GRM5: variants seen among roughly 807,000 people sequenced by gnomAD.
GRM5 encodes metabotropic glutamate receptor 5.
Under a neutral mutation model 83.1 loss-of-function variants are expected in GRM5, and 19 were observed. The observed-to-expected ratio is 0.23, with a 90% CI of 0.16 to 0.34. The LOEUF is 0.34. Among genes scored for constraint, GRM5 ranks in the 10% least tolerant of loss-of-function variants. The pLI, the probability that GRM5 is intolerant of heterozygous loss-of-function variation, is 1.00. For synonymous variants in GRM5, 675 were observed against 633.6 expected, an observed-to-expected ratio of 1.07 and a Z score of -0.98; for missense variants, 1,160 against 1,588.3, an observed-to-expected ratio of 0.73 and a Z score of 4.58.
intron 3 of GRM5, among the ~76,000 whole-genome samples, chr11:88,704,288 T>C (rs77349147): frequency 6.6e-6 from 1 of 152,070 alleles, no homozygotes; most frequent in African/African-American, 2.4e-5. Context: ...GTACCTATTT[T>C]AAGAAAACTA....
chr11:88,911,313 T>A (rs1393998851), intron 2 of GRM5, among the ~76,000 whole-genome samples: 2 of 152,138 alleles, frequency 1.3e-5, no homozygotes, highest in Non-Finnish European at 2.9e-5. Flanking sequence ...ATTGCATAGC[T>A]TGTGTGGTGT....
chr11:88,890,289 C>G (rs534998927), intron 2 of GRM5, among the ~76,000 whole-genome samples: 3 of 152,270 alleles, frequency 2.0e-5, no homozygotes. Flanking sequence ...AAATGGCACA[C>G]TTAATTTTAG....
At chr11:89,027,830 C>G (rs1414772198) in intron 2 of GRM5, among the ~76,000 whole-genome samples, 2 of 152,198 alleles carry the variant, frequency 1.3e-5, no homozygotes, top group African/African-American at 2.4e-5. Flanking sequence ...CTGCTATGGT[C>G]TGAATATCCT....
intron 2 of GRM5, among the ~76,000 whole-genome samples, chr11:88,903,542 T>G (rs2135598076): frequency 6.6e-6 from 1 of 152,288 alleles, no homozygotes; most frequent in Non-Finnish European, 1.5e-5. Context: ...GTGGCATATA[T>G]ACACAATGGA....
intron 2 of GRM5, among the ~76,000 whole-genome samples, chr11:88,915,658 T>A (rs1247427094): frequency 9.9e-5 from 15 of 152,176 alleles, no homozygotes; most frequent in Admixed American, 9.8e-4. Context: ...CTTTTGGACC[T>A]GGATCTTCAA....
At chr11:88,982,540 G>A (rs1021827127) in intron 2 of GRM5, among the ~76,000 whole-genome samples, 1 of 151,996 alleles carries the variant, frequency 6.6e-6, no homozygotes, top group African/African-American at 2.4e-5. Context: ...AATTATTTAT[G>A]AGAATAATAC....
chr11:88,602,122 C>T (rs912390769), intron 5 of GRM5, among the ~76,000 whole-genome samples: 3 of 151,928 alleles, frequency 2.0e-5, no homozygotes, highest in Non-Finnish European at 2.9e-5. Context: ...ATGACATTAC[C>T]TGAACTTTAT....
chr11:88,914,148 G>T (rs1345412377), intron 2 of GRM5, among the ~76,000 whole-genome samples: 1 of 152,172 alleles, frequency 6.6e-6, no homozygotes, highest in African/African-American at 2.4e-5. Context: ...TCTCTAGAAG[G>T]ATGAAGTTGA....
At chr11:88,666,510 T>C (rs1168872995) in intron 3 of GRM5, among the ~76,000 whole-genome samples, 2 of 152,150 alleles carry the variant, frequency 1.3e-5, no homozygotes, top group African/African-American at 2.4e-5. Flanking sequence ...CAACAAGCCA[T>C]TGATGAGGGA....
At chr11:88,863,727 T>C (rs1447601871) in intron 2 of GRM5, among the ~76,000 whole-genome samples, 1 of 151,912 alleles carries the variant, frequency 6.6e-6, no homozygotes, top group Non-Finnish European at 1.5e-5. Flanking sequence ...TATTTTTTTA[T>C]AGCTTAATTA....
At chr11:88,848,204 C>A (rs545953730) in intron 3 of GRM5, among the ~76,000 whole-genome samples, 1 of 152,232 alleles carries the variant, frequency 6.6e-6, no homozygotes, top group South Asian at 2.1e-4. Context: ...GTACATCATT[C>A]CTGCCAACTA....
At chr11:88,787,956 C>T (rs1943105124) in intron 3 of GRM5, among the ~76,000 whole-genome samples, 1 of 152,132 alleles carries the variant, frequency 6.6e-6, no homozygotes, top group Admixed American at 6.6e-5. Flanking sequence ...CTATGCCTGT[C>T]TTCATCATTA....
intron 4 of GRM5, among the ~76,000 whole-genome samples, chr11:88,628,921 G>A (rs1938881425): frequency 6.6e-6 from 1 of 152,134 alleles, no homozygotes; most frequent in Admixed American, 6.6e-5. Flanking sequence ...GTAGGAGGGA[G>A]ATTGAGACCA....
chr11:88,832,168 C>T (rs1456505853), intron 3 of GRM5, among the ~76,000 whole-genome samples: 1 of 151,620 alleles, frequency 6.6e-6, no homozygotes, highest in Non-Finnish European at 1.5e-5. Context: ...AGTGCCCTAT[C>T]CAATCAATAC....
chr11:88,984,622 AAAG>A (rs1287785365), intron 2 of GRM5: 1 of 440,136 alleles, frequency 2.3e-6, no homozygotes, highest in African/African-American at 2.0e-5. Flanking sequence ...AAATTTAAAT[AAAG>A]ATTATAAAAT....
rs1195193328 is a variant in GRM5, at chr11:88,776,742, T to G, written c.911+73164A>C. On this transcript the variant is annotated intron_variant, in intron 3 of 9. Transcript: ENST00000305447. ...TTAAATTCCGGGTTGAAAATTCTTT[T>G]CTTTAAGAATGTTGAATATTGGCCC... Among the ~76,000 whole-genome samples, 10 of 152,334 alleles carry G rather than the reference T, an allele frequency of 6.6e-5. No homozygotes were observed. The East Asian group carries it at 1.4e-3, about 21-fold the overall frequency.
chr11:88,638,997 T>C (rs529978331), intron 4 of GRM5, among the ~76,000 whole-genome samples: 1 of 152,324 alleles, frequency 6.6e-6, no homozygotes, highest in African/African-American at 2.4e-5. Flanking sequence ...TTATTTACTT[T>C]TTCTACTTAC....
At chr11:88,721,408 AAG>A (rs2135395701) in intron 3 of GRM5, among the ~76,000 whole-genome samples, 1 of 152,214 alleles carries the variant, frequency 6.6e-6, no homozygotes, top group African/African-American at 2.4e-5. Flanking sequence ...CTATTAACTG[AAG>A]AATATAGCAC....
intron 3 of GRM5, among the ~76,000 whole-genome samples, chr11:88,706,486 A>G (rs1391906039): frequency 1.3e-5 from 2 of 152,118 alleles, no homozygotes; most frequent in African/African-American, 2.4e-5. Context: ...CCTCCACCAC[A>G]TTGAAGAGTG....
Sources: gnomAD v4.1 joint callset for allele counts (sites outside exome capture counted in the v4.1 genomes callset) on GRCh38, gnomAD v4.1.1 for gene constraint, MANE v1.5 for transcripts, NCBI Gene and HGNC (gene_info 2026-07-23, HGNC 2026-07-21) for gene names.